DAB1: variants seen among roughly 807,000 people sequenced by gnomAD.
DAB1 encodes disabled homolog 1.
In DAB1, 15 loss-of-function variants were observed where a neutral mutation model predicts 64.6. The observed-to-expected ratio is 0.23, with a 90% CI of 0.16 to 0.36. DAB1 has a LOEUF of 0.36. Ranked by LOEUF, DAB1 falls within the 10% of genes least tolerant of loss-of-function variation. The probability of loss-of-function intolerance (pLI) is 1.00; values close to 1 mark genes in which losing one functional copy is unlikely to be tolerated. For synonymous variants in DAB1, 235 were observed against 251.9 expected, an observed-to-expected ratio of 0.93 and a Z score of 0.64; for missense variants, 596 against 706.7, an observed-to-expected ratio of 0.84 and a Z score of 1.78.
At chr1:57,225,722 T>C (rs1001962331) in intron 2 of DAB1, among the ~76,000 whole-genome samples, 1 of 152,212 alleles carries the variant, frequency 6.6e-6, no homozygotes, top group Admixed American at 6.5e-5. Context: ...TAATTGATAG[T>C]TAATTCAAGT....
At chr1:58,241,488 G>A (rs900592969) in intron 4 of DAB1, among the ~76,000 whole-genome samples, 5 of 151,814 alleles carry the variant, frequency 3.3e-5, no homozygotes, top group Admixed American at 2.6e-4. Context: ...GTAACTCCTG[G>A]TCTATTTTGA....
At chr1:57,613,553 C>G (rs980328441) in intron 7 of DAB1, among the ~76,000 whole-genome samples, 7 of 152,204 alleles carry the variant, frequency 4.6e-5, no homozygotes, top group African/African-American at 1.7e-4. Context: ...TAAATGCATG[C>G]TGTGTCTGCA....
At chr1:57,349,637 A>G (rs1678412707) in intron 1 of DAB1, among the ~76,000 whole-genome samples, 1 of 152,178 alleles carries the variant, frequency 6.6e-6, no homozygotes, top group Non-Finnish European at 1.5e-5. Flanking sequence ...AGGACTGATG[A>G]TTAACATACA....
Position 58,465,079 on chromosome 1 carries a change from C to T in DAB1, n.257+40981G>A, listed in dbSNP as rs1405056771. On this transcript the variant is annotated intron_variant and non_coding_transcript_variant, in intron 3 of 20. Transcript: ENST00000485760. ...ACACATTCTCAGCCTGGGTTATTGG[C>T]TGAGTTGCTGTTAACCAATACAGTA... is the stretch of plus-strand genomic sequence containing the variant. Among the ~76,000 whole-genome samples the T allele has an allele frequency of 1.3e-5, 2 of 152,200 alleles. 1 individual carries two copies. The highest frequency in any genetic ancestry group is 4.1e-4 in the South Asian group (2 of 4,832).
At chr1:57,831,537 CTTTTTTT>C (rs5774372) in intron 1 of DAB1, among the ~76,000 whole-genome samples, 14 of 112,316 alleles carry the variant, frequency 1.2e-4, no homozygotes, top group Middle Eastern at 5.0e-3. Flanking sequence ...ATTTTCTTCT[CTTTTTTT>C]TTTTTTTTTT....
chr1:57,084,920 T>C (rs1434015140), intron 4 of DAB1, among the ~76,000 whole-genome samples: 2 of 152,162 alleles, frequency 1.3e-5, no homozygotes, highest in African/African-American at 4.8e-5. Flanking sequence ...TTGTTTCTCT[T>C]ACACTAATTG....
intron 6 of DAB1, among the ~76,000 whole-genome samples, chr1:57,726,346 C>T (rs1159924270): frequency 6.6e-6 from 1 of 152,032 alleles, no homozygotes; most frequent in African/African-American, 2.4e-5. Flanking sequence ...TAGAAATGTG[C>T]CTGACCATCA....
chr1:58,373,647 A>G (rs1477545165), intron 3 of DAB1, among the ~76,000 whole-genome samples: 2 of 152,286 alleles, frequency 1.3e-5, no homozygotes, highest in Non-Finnish European at 1.5e-5. Flanking sequence ...CTTTATAGCC[A>G]CGTGTCTTTA....
At chr1:57,124,245 T>C (rs1279795480) in intron 4 of DAB1, among the ~76,000 whole-genome samples, 1 of 152,062 alleles carries the variant, frequency 6.6e-6, no homozygotes, top group Non-Finnish European at 1.5e-5. Context: ...GCAAAGGTGA[T>C]TGTACCATAG....
At chr1:57,264,416 T>C (rs933759141) in intron 2 of DAB1, among the ~76,000 whole-genome samples, 1 of 152,212 alleles carries the variant, frequency 6.6e-6, no homozygotes, top group African/African-American at 2.4e-5. Context: ...AGAGAATGAT[T>C]GATAGAATGG....
chr1:57,275,720 T>C (rs1197225566), intron 2 of DAB1, among the ~76,000 whole-genome samples: 1 of 152,216 alleles, frequency 6.6e-6, no homozygotes, highest in African/African-American at 2.4e-5. Context: ...TCCCGTGCTT[T>C]ACTAGAGTGG....
At chr1:57,829,143 C>T (rs1033234593) in intron 1 of DAB1, among the ~76,000 whole-genome samples, 16 of 152,148 alleles carry the variant, frequency 1.1e-4, no homozygotes, top group Non-Finnish European at 1.9e-4. Flanking sequence ...CACAGGTTCA[C>T]TTACAGCATC....
intron 7 of DAB1, among the ~76,000 whole-genome samples, chr1:57,518,654 G>C (rs748617659): frequency 6.6e-6 from 1 of 152,116 alleles, no homozygotes; most frequent in Non-Finnish European, 1.5e-5. Context: ...GCAAGCTCTC[G>C]TGTGTCCTGC....
At chr1:58,523,474 A>G (rs1470144275) in intron 2 of DAB1, among the ~76,000 whole-genome samples, 1 of 152,168 alleles carries the variant, frequency 6.6e-6, no homozygotes, top group Non-Finnish European at 1.5e-5. Flanking sequence ...TGAGCCTTAA[A>G]GGTCCTTATG....
rs375030459 is a variant in DAB1 at position 57,267,452 on chromosome 1, G to A, written c.67+23512C>T. ...GACAAGGAAGCTGAAGTTGAGAGAG[G>A]AAGTGTTTTCTCTAAGCTATGAGAT... On this transcript the variant is annotated intron_variant, in intron 2 of 14. Transcript: ENST00000371236. Among the ~76,000 whole-genome samples, 92 of 152,330 alleles carry A rather than the reference G, an allele frequency of 6.0e-4. 1 individual carries two copies. The South Asian group carries it at 0.017, about 27-fold the overall frequency.
intron 4 of DAB1, among the ~76,000 whole-genome samples, chr1:58,294,516 G>A (rs938022077): frequency 6.6e-6 from 1 of 152,074 alleles, no homozygotes; most frequent in Non-Finnish European, 1.5e-5. Flanking sequence ...ACTATGCACA[G>A]TCTTAAGGAT....
chr1:57,627,839 C>T (rs1303114580), intron 7 of DAB1, among the ~76,000 whole-genome samples: 1 of 152,166 alleles, frequency 6.6e-6, no homozygotes, highest in African/African-American at 2.4e-5. Flanking sequence ...GTGGGGTGGG[C>T]AACAGGCCCT....
At chr1:57,844,306 T>C (rs1653182079) in intron 1 of DAB1, among the ~76,000 whole-genome samples, 1 of 152,224 alleles carries the variant, frequency 6.6e-6, no homozygotes, top group African/African-American at 2.4e-5. Flanking sequence ...TTCCTCTTTT[T>C]ATTATCAGTA....
intron 2 of DAB1, among the ~76,000 whole-genome samples, chr1:57,192,617 A>AT (rs1262027066): frequency 6.6e-6 from 1 of 152,134 alleles, no homozygotes; most frequent in Non-Finnish European, 1.5e-5. Flanking sequence ...CTTTCTTATT[A>AT]TAGTACTGCA....
Sources: gnomAD v4.1 joint callset for allele counts (sites outside exome capture counted in the v4.1 genomes callset) on GRCh38, gnomAD v4.1.1 for gene constraint, MANE v1.5 for transcripts, NCBI Gene and HGNC (gene_info 2026-07-23, HGNC 2026-07-21) for gene names.